ZNF277: variants seen among roughly 807,000 people sequenced by gnomAD.
The protein encoded by ZNF277 is nuclear receptor-interacting factor 4.
Under a neutral mutation model 60.7 loss-of-function variants are expected in ZNF277, and 55 were observed. The observed-to-expected ratio is 0.91, with a 90% CI of 0.73 to 1.13. The LOEUF is 1.13. Among genes scored for constraint, ZNF277 ranks in the 50% most tolerant of loss-of-function variants. The probability of loss-of-function intolerance (pLI) is 0.00; values close to 1 mark genes in which losing one functional copy is unlikely to be tolerated. For missense variants in ZNF277, 510 were observed against 523.0 expected (o/e 0.98, Z 0.24); for synonymous variants, 178 against 179.3 (o/e 0.99, Z 0.06).
intron 4 of ZNF277, among the ~76,000 whole-genome samples, chr7:112,316,705 G>A (rs1792851567): frequency 6.6e-6 from 1 of 151,984 alleles, no homozygotes; most frequent in African/African-American, 2.4e-5. Flanking sequence ...GTGTTGATGG[G>A]AGTATAAATT....
At chr7:112,287,324 A>G (rs934941726) in intron 2 of ZNF277, 25 of 488,238 alleles carry the variant, frequency 5.1e-5, no homozygotes, top group South Asian at 9.9e-5. Context: ...GCAGTGAGTT[A>G]TGGTTATACC....
chr7:112,336,055 C>T, intron 7 of ZNF277, 49 bp from the exon 8 acceptor site: 1 of 1,490,570 alleles, frequency 6.7e-7, no homozygotes, highest in Non-Finnish European at 9.2e-7. Flanking sequence ...CATACTCTCT[C>T]CCTTCTCTTT....
intron 4 of ZNF277, among the ~76,000 whole-genome samples, chr7:112,313,282 A>ATT (rs58333831): frequency 0.14 from 20,451 of 145,722 alleles, 1,535 homozygotes; most frequent in South Asian, 0.16. Flanking sequence ...ATGTTTTAAA[A>ATT]TTTTTTTTTT....
At chr7:112,261,385 C>T (rs1043654873) in intron 1 of ZNF277, among the ~76,000 whole-genome samples, 3 of 152,140 alleles carry the variant, frequency 2.0e-5, no homozygotes, top group African/African-American at 7.2e-5. Context: ...TGCTACATCC[C>T]ATAAATGCAA....
chr7:112,327,862 G>A (rs200838932), intron 6 of ZNF277, 35 bp downstream of exon 6: 1 of 1,379,906 alleles, frequency 7.2e-7, no homozygotes, highest in Admixed American at 2.2e-5. Flanking sequence ...GCCTAAAGCT[G>A]TTTTAATCTT....
chr7:112,226,082 TC>T (rs1238733101), intron 1 of ZNF277, among the ~76,000 whole-genome samples: 1 of 152,178 alleles, frequency 6.6e-6, no homozygotes, highest in Non-Finnish European at 1.5e-5. Context: ...TTTCTAGTGT[TC>T]CATGGAATTT....
intron 1 of ZNF277, among the ~76,000 whole-genome samples, chr7:112,243,449 C>G (rs1453856321): frequency 6.7e-6 from 1 of 149,984 alleles, no homozygotes; most frequent in African/African-American, 2.4e-5. Context: ...AGGACTAATA[C>G]CAGAATCCAC....
At chr7:112,308,153 G>T (rs530103440) in intron 4 of ZNF277, among the ~76,000 whole-genome samples, 1 of 151,946 alleles carries the variant, frequency 6.6e-6, no homozygotes, top group Non-Finnish European at 1.5e-5. Context: ...TCTTTGGATA[G>T]TTTTCTGATA....
At chr7:112,310,402 C>T (rs1792695357) in intron 4 of ZNF277, among the ~76,000 whole-genome samples, 1 of 150,030 alleles carries the variant, frequency 6.7e-6, no homozygotes. Flanking sequence ...GTGTGTTTCC[C>T]TTGTCTGCCA....
intron 4 of ZNF277, among the ~76,000 whole-genome samples, chr7:112,297,516 C>T (rs1464267787): frequency 1.3e-5 from 2 of 152,098 alleles, no homozygotes; most frequent in African/African-American, 2.4e-5. Context: ...TCCCTGGAAG[C>T]ATATTTTATT....
intron 1 of ZNF277, among the ~76,000 whole-genome samples, chr7:112,276,489 G>T (rs1791796395): frequency 6.6e-6 from 1 of 152,100 alleles, no homozygotes; most frequent in Non-Finnish European, 1.5e-5. Flanking sequence ...TTTGGACGGG[G>T]AGCAAAAGAC....
intron 11 of ZNF277, 119 bp downstream of exon 11, chr7:112,341,165 C>T (rs968137859): frequency 1.1e-6 from 1 of 931,496 alleles, no homozygotes; most frequent in African/African-American, 1.7e-5. Flanking sequence ...AAAAAGTATA[C>T]ATCAGTACAG....
chr7:112,270,517 A>G (rs1791644122), intron 1 of ZNF277, among the ~76,000 whole-genome samples: 1 of 152,162 alleles, frequency 6.6e-6, no homozygotes, highest in Admixed American at 6.5e-5. Context: ...GCTGGCAAAA[A>G]TACATATGAA....
chr7:112,317,691 A>G (rs973731867), intron 4 of ZNF277, among the ~76,000 whole-genome samples: 17 of 152,130 alleles, frequency 1.1e-4, no homozygotes, highest in African/African-American at 4.1e-4. Context: ...AGGGATTGAA[A>G]TCAGGGAGAA....
chr7:112,229,027 A>C (rs1165465658), intron 1 of ZNF277, among the ~76,000 whole-genome samples: 1 of 152,232 alleles, frequency 6.6e-6, no homozygotes, highest in African/African-American at 2.4e-5. Flanking sequence ...AACATCCTGC[A>C]TGAAGGGATG....
chr7:112,220,036 C>T (rs1393229717), intron 1 of ZNF277, among the ~76,000 whole-genome samples: 1 of 152,170 alleles, frequency 6.6e-6, no homozygotes, highest in African/African-American at 2.4e-5. Context: ...TTGGCTATTC[C>T]TGGTATTCTG....
chr7:112,214,024 C>G (rs1821819443), intron 1 of ZNF277, among the ~76,000 whole-genome samples: 1 of 152,170 alleles, frequency 6.6e-6, no homozygotes, highest in Admixed American at 6.5e-5. Context: ...AGAAGTGATA[C>G]AAGTGGTTTT....
chr7:112,262,550 A>T (rs1248406449), intron 1 of ZNF277, among the ~76,000 whole-genome samples: 1 of 152,154 alleles, frequency 6.6e-6, no homozygotes, highest in African/African-American at 2.4e-5. Flanking sequence ...TTGATATATT[A>T]AAGGCTAATA....
At chr7:112,282,007 A>G (rs1791955837) in intron 1 of ZNF277, among the ~76,000 whole-genome samples, 1 of 151,814 alleles carries the variant, frequency 6.6e-6, no homozygotes, top group Non-Finnish European at 1.5e-5. Context: ...TAATTTTTGT[A>G]TTTTCAGTAG....
Sources: gnomAD v4.1 joint callset for allele counts (sites outside exome capture counted in the v4.1 genomes callset) on GRCh38, gnomAD v4.1.1 for gene constraint, MANE v1.5 for transcripts, NCBI Gene and HGNC (gene_info 2026-07-23, HGNC 2026-07-21) for gene names.